FRMPD4: variants seen among roughly 807,000 people sequenced by gnomAD.
FRMPD4 encodes the protein FERM and PDZ domain-containing protein 4.
Under a neutral mutation model 94.1 loss-of-function variants are expected in FRMPD4, and 22 were observed. The ratio of observed to expected loss-of-function variants is 0.23; its 90% confidence interval spans 0.17 to 0.33. The LOEUF (loss-of-function observed/expected upper bound fraction) is 0.33. FRMPD4 is among the 10% of genes least tolerant of loss of function. The probability of loss-of-function intolerance (pLI) is 1.00; values close to 1 mark genes in which losing one functional copy is unlikely to be tolerated. For synonymous variants in FRMPD4, 631 were observed against 548.6 expected (o/e 1.15, Z -2.10); for missense variants, 1,111 against 1,339.9 (o/e 0.83, Z 2.67).
chrX:12,305,391 C>T (rs994090170), intron 1 of FRMPD4, among the ~76,000 whole-genome samples: 13 of 111,558 alleles, frequency 1.2e-4, no homozygotes, highest in Non-Finnish European at 2.1e-4. Flanking sequence ...AGGCAAGTGG[C>T]TCCAGAGACA....
chrX:12,178,637 A>G (rs1266996879), intron 1 of FRMPD4, among the ~76,000 whole-genome samples: 2 of 111,905 alleles, frequency 1.8e-5, no homozygotes, highest in Non-Finnish European at 3.8e-5. Context: ...GCTGTGTGCC[A>G]AGTACTGTTC....
intron 1 of FRMPD4, among the ~76,000 whole-genome samples, chrX:12,276,072 A>G (rs1204902930): frequency 1.8e-5 from 2 of 112,354 alleles, no homozygotes; most frequent in African/African-American, 6.5e-5. Flanking sequence ...GGCAAGATAA[A>G]GACTATTTGA....
chrX:11,926,408 G>A (rs771872335), intron 3 of FRMPD4, among the ~76,000 whole-genome samples: 1 of 110,699 alleles, frequency 9.0e-6, no homozygotes, highest in African/African-American at 3.3e-5. Flanking sequence ...CATTATATGA[G>A]GCCAGCATCA....
At chrX:12,337,197 C>T (rs913926109) in intron 1 of FRMPD4, among the ~76,000 whole-genome samples, 1 of 111,800 alleles carries the variant, frequency 8.9e-6, no homozygotes, top group Non-Finnish European at 1.9e-5. Context: ...TGATTAATGC[C>T]AAAATTAAAG....
At chrX:11,996,239 AGAT>A (rs2054495675) in intron 3 of FRMPD4, among the ~76,000 whole-genome samples, 1 of 112,450 alleles carries the variant, frequency 8.9e-6, no homozygotes, top group South Asian at 3.6e-4. Context: ...CATTTCTGTC[AGAT>A]GACAAGGGGG....
chrX:11,833,853 C>A (rs773338984), intron 1 of FRMPD4, among the ~76,000 whole-genome samples: 25 of 111,524 alleles, frequency 2.2e-4, no homozygotes, highest in Non-Finnish European at 4.1e-4. Flanking sequence ...CACTTAAGAG[C>A]CTATGAGCTT....
chrX:12,154,027 G>A (rs1474788373), intron 1 of FRMPD4, among the ~76,000 whole-genome samples: 1 of 112,893 alleles, frequency 8.9e-6, no homozygotes, highest in African/African-American at 3.2e-5. Context: ...GGCCTACAAA[G>A]CCTGAAATAT....
At chrX:12,264,152 C>T (rs2054238700) in intron 1 of FRMPD4, among the ~76,000 whole-genome samples, 1 of 111,381 alleles carries the variant, frequency 9.0e-6, no homozygotes, top group Admixed American at 9.5e-5. Flanking sequence ...GAAAATATTG[C>T]CATTTCCTGA....
chrX:12,148,413 T>G (rs1169792550), intron 1 of FRMPD4, among the ~76,000 whole-genome samples: 1 of 112,416 alleles, frequency 8.9e-6, no homozygotes, highest in African/African-American at 3.2e-5. Flanking sequence ...GACTCTTAAC[T>G]CTCTTAAATT....
At chrX:12,178,928 C>G (rs1329379393) in intron 1 of FRMPD4, among the ~76,000 whole-genome samples, 1 of 111,154 alleles carries the variant, frequency 9.0e-6, no homozygotes, top group Non-Finnish European at 1.9e-5. Context: ...TGTTGCACAT[C>G]AAACCACCCT....
intron 14 of FRMPD4, among the ~76,000 whole-genome samples, chrX:12,710,975 C>T (rs996503417): frequency 1.8e-5 from 2 of 111,376 alleles, no homozygotes; most frequent in African/African-American, 3.3e-5. Flanking sequence ...AATCAAATGT[C>T]CAAATTCAAT....
At chrX:12,479,618 T>C (rs2057657285) in intron 1 of FRMPD4, among the ~76,000 whole-genome samples, 1 of 107,488 alleles carries the variant, frequency 9.3e-6, no homozygotes, top group South Asian at 4.0e-4. Context: ...CTTCCCACCT[T>C]GGCCTCCAAA....
intron 1 of FRMPD4, among the ~76,000 whole-genome samples, chrX:12,376,768 T>C (rs1229686975): frequency 8.9e-6 from 1 of 112,893 alleles, no homozygotes; most frequent in Non-Finnish European, 1.9e-5. Context: ...CAATTATTAT[T>C]TGGCTTATAA....
chrX:12,321,906 C>G (rs979858676), intron 1 of FRMPD4, among the ~76,000 whole-genome samples: 2 of 112,088 alleles, frequency 1.8e-5, no homozygotes, highest in Non-Finnish European at 3.8e-5. Flanking sequence ...TTGACACCAT[C>G]TGTTACTCAA....
intron 3 of FRMPD4, among the ~76,000 whole-genome samples, chrX:12,127,414 C>A (rs1251614694): frequency 1.8e-5 from 2 of 111,647 alleles, no homozygotes; most frequent in Admixed American, 1.9e-4. Flanking sequence ...GGGGGAAAAA[C>A]CCTTATAAGA....
At chrX:12,274,080 A>C (rs1320151757) in intron 1 of FRMPD4, among the ~76,000 whole-genome samples, 1 of 111,555 alleles carries the variant, frequency 9.0e-6, no homozygotes, top group African/African-American at 3.3e-5. Context: ...AGAATGTAAA[A>C]TGTGGAGTCA....
At chrX:12,412,211 C>G (rs1263146842) in intron 1 of FRMPD4, among the ~76,000 whole-genome samples, 1 of 112,270 alleles carries the variant, frequency 8.9e-6, no homozygotes, top group East Asian at 2.8e-4. Flanking sequence ...CCTAGTGAGT[C>G]TACAGATTCC....
rs1226587391 is a variant in FRMPD4 at position 12,317,607 on chromosome X, AAAAAAC to A, written c.41+178602_41+178607del. On this transcript the variant is annotated intron_variant, in intron 1 of 16. Transcript: ENST00000675598. ...TAGCAAAAAAAAAAAAAAAAAACAA[AAAAAAC>A]AAAAACCCAAGTAATCTGATTAAAA... 3.9e-4 allele frequency among the ~76,000 whole-genome samples: 41 copies of A among 105,775 alleles called. 1 individual carries two copies. The highest frequency in any genetic ancestry group is 1.3e-3 in the African/African-American group (34 of 26,500). 91.9% of individuals were successfully genotyped at this position (105,775 alleles called of 115,157 possible).
intron 3 of FRMPD4, among the ~76,000 whole-genome samples, chrX:11,943,764 G>A (rs2054174792): frequency 9.0e-6 from 1 of 111,592 alleles, no homozygotes; most frequent in African/African-American, 3.3e-5. Flanking sequence ...AAAATCTCTG[G>A]ATGTTCATTT....
Sources: allele counts gnomAD v4.1 joint callset (sites outside exome capture counted in the v4.1 genomes callset), GRCh38; gene constraint gnomAD v4.1.1; transcripts MANE v1.5; gene names NCBI Gene and HGNC (gene_info 2026-07-23, HGNC 2026-07-21).